The following FUCA2 variants were observed in gnomAD, a reference collection of about 807,000 sequenced individuals.
FUCA2 encodes plasma alpha-L-fucosidase.
Under a neutral mutation model 52.6 loss-of-function variants are expected in FUCA2, and 41 were observed. The observed-to-expected ratio is 0.78, with a 90% CI of 0.61 to 1.01. The LOEUF (loss-of-function observed/expected upper bound fraction) is 1.01. Ranked by LOEUF, FUCA2 falls within the 50% of genes least tolerant of loss-of-function variation. The pLI is 0.00. For missense variants in FUCA2, 507 were observed against 569.5 expected, an observed-to-expected ratio of 0.89 and a Z score of 1.12; for synonymous variants, 211 against 217.3, an observed-to-expected ratio of 0.97 and a Z score of 0.26.
intron 5 of FUCA2, among the ~76,000 whole-genome samples, chr6:143,498,185 A>G (rs1194845785): frequency 6.6e-6 from 1 of 151,720 alleles, no homozygotes; most frequent in Non-Finnish European, 1.5e-5. Flanking sequence ...AAAAAAGTGG[A>G]TTTCATTCAT....
rs949438458 is a variant in FUCA2, at chr6:143,497,124, T to A, written c.1263+265A>T. ...ACAGGTGCGTGCCACCATGCTCAGC[T>A]AACTTTAAAAAAAATTTTTGTAGAC... On this transcript the variant is annotated intron_variant, in intron 6 of 6. Coordinates refer to ENST00000002165, the MANE Select transcript of FUCA2 (RefSeq NM_032020.5). The surrounding 1 kb of genome is among the most constrained non-coding windows in gnomAD (Gnocchi z 5.3). 4 of 372,872 alleles carry A rather than the reference T, an allele frequency of 1.1e-5. No individual in the cohort carries two copies. Among genetic ancestry groups the A allele is most frequent in the African/African-American group, 8.4e-5 (4 of 47,606 alleles). The allele number at this position is 372,872 out of a possible 1,614,324, so 23.1% of individuals were successfully genotyped here.
At position 143,495,713 on chromosome 6, in the gene FUCA2, C is replaced by A. The variant is rs1434440933; in HGVS notation, c.1398G>T (p.Val466=). The A allele has an allele frequency of 6.2e-7, 1 of 1,613,464 alleles. No individual in the cohort carries two copies. The highest frequency in any genetic ancestry group is 8.5e-7 in the Non-Finnish European group (1 of 1,179,578). Residue 466 remains valine (V), a synonymous_variant, in exon 7 of 7, where the codon GTG becomes GTT. Transcript: ENST00000002165. This position sits in a 1 kb window ranked among gnomAD's most constrained non-coding sequence, Gnocchi z 5.2. ...TCAGCCACTCTGCTGCACTTTAGAT[C>A]ACATTAGTCAGGGCTAGAGCCCAGC... is the stretch of plus-strand genomic sequence containing the variant. The part of the protein sequence containing the change: ...KWGWALALTN[V]I
Position 143,510,665 on chromosome 6 carries a change from T to C in FUCA2, c.224+746A>G, listed in dbSNP as rs897259402. On this transcript the variant is annotated intron_variant, in intron 1 of 6. Coordinates refer to ENST00000002165, the MANE Select transcript of FUCA2 (RefSeq NM_032020.5). This position sits in a 1 kb window ranked among gnomAD's most constrained non-coding sequence, Gnocchi z 4.4. ...AAAAAAAAAAAAAAAGAATATATTA[T>C]GTGTATGTTTCTATATATGCACACA... Among the ~76,000 whole-genome samples, 5 of 151,864 alleles carry C rather than the reference T, an allele frequency of 3.3e-5. No homozygotes were observed. The highest frequency in any genetic ancestry group is 5.9e-5 in the Non-Finnish European group (4 of 67,978).
rs1292309360 is a variant in FUCA2 at position 143,511,090 on chromosome 6, G to A, written c.224+321C>T. 6.6e-6 allele frequency among the ~76,000 whole-genome samples: 1 copy of A among 152,192 alleles called. No individual in the cohort carries two copies. The highest frequency in any genetic ancestry group is 1.5e-5 in the Non-Finnish European group (1 of 68,038). On this transcript the variant is annotated intron_variant, in intron 1 of 6. Transcript: ENST00000002165. The surrounding 1 kb of genome is among the most constrained non-coding windows in gnomAD (Gnocchi z 6.3). ...GTGTGATGCCCCTGCACAAACTGATGAATGTCTGTAGTAGCTCGATGTTGT... is the reference window on the plus strand; with the variant it reads ...GTGTGATGCCCCTGCACAAACTGATAAATGTCTGTAGTAGCTCGATGTTGT...
chr6:143,495,394 A>G lies in FUCA2; in HGVS notation c.*313T>C, dbSNP rs1780443339. ...TATAATCATGGGGGATATGGCTTCA[A>G]CATAAAATTTTCAGTTCGGTCCATA... On this transcript the variant is annotated 3_prime_UTR_variant, in exon 7 of 7. Transcript: ENST00000002165. The surrounding 1 kb of genome is among the most constrained non-coding windows in gnomAD (Gnocchi z 5.2). The G allele has an allele frequency of 4.1e-6, 1 of 243,370 alleles. No individual in the cohort carries two copies. Among genetic ancestry groups the G allele is most frequent in the South Asian group, 1.5e-4 (1 of 6,776 alleles). 15.1% of individuals were successfully genotyped at this position (243,370 alleles called of 1,614,324 possible).
chr6:143,502,503 C>A lies in FUCA2; in HGVS notation c.815G>T (p.Gly272Val). ...RWGAGSICKH[G>V]GFYTCSDRYN... is the part of the protein sequence containing the mutation. ...ACGATCACTGCAGGTATAGAAGCCA[C>A]CATGCTTACAGATGCTACCAGCTCC... Residue 272 changes from glycine to valine, a missense_variant, in exon 4 of 7, where the codon GGT (glycine) becomes GTT (valine). Transcript: ENST00000002165. This position sits in a 1 kb window ranked among gnomAD's most constrained non-coding sequence, Gnocchi z 4.1. The A allele has an allele frequency of 6.2e-7, 1 of 1,614,080 alleles. No homozygotes were observed.
chr6:143,503,879 G>A lies in FUCA2; in HGVS notation c.752+34C>T, dbSNP rs1780563491. On this transcript the variant is annotated intron_variant, in intron 3 of 6. Transcript: ENST00000002165. The surrounding 1 kb of genome is among the most constrained non-coding windows in gnomAD (Gnocchi z 4.8). ...ATGTTAGAAATATATTAGGAATATGGAGGGTAACTGCAGCAATCTCATAGC... is the reference window on the plus strand; with the variant it reads ...ATGTTAGAAATATATTAGGAATATGAAGGGTAACTGCAGCAATCTCATAGC... 6.8e-7 allele frequency: 1 copy of A among 1,464,490 alleles called. No individual in the cohort carries two copies. The highest frequency in any genetic ancestry group is 9.4e-7 in the Non-Finnish European group (1 of 1,064,686). 90.7% of individuals were successfully genotyped at this position (1,464,490 alleles called of 1,614,324 possible). A position where few individuals can be genotyped will look rare whatever the true frequency, so the allele number is the denominator to read the frequency against.
intron 1 of FUCA2, among the ~76,000 whole-genome samples, chr6:143,508,481 C>A (rs917318749): frequency 6.6e-6 from 1 of 152,242 alleles, no homozygotes; most frequent in African/African-American, 2.4e-5. Flanking sequence ...AATTGAAGGG[C>A]ATACTATGCG....
Position 143,494,947 on chromosome 6 carries a change from T to TAA in FUCA2, c.*759_*760insTT, listed in dbSNP as rs1347712026. 5 of 130,596 alleles carry TAA rather than the reference T, an allele frequency of 3.8e-5. No homozygotes were observed. The highest frequency in any genetic ancestry group is 7.4e-5 in the Non-Finnish European group (4 of 53,986). The allele number at this position is 130,596 out of a possible 1,614,324, so 8.1% of individuals were successfully genotyped here. On this transcript the variant is annotated 3_prime_UTR_variant, in exon 7 of 7. Coordinates refer to ENST00000002165, the MANE Select transcript of FUCA2 (RefSeq NM_032020.5). This position sits in a 1 kb window ranked among gnomAD's most constrained non-coding sequence, Gnocchi z 6.6. ...TAATTGAAGAAAGAAAAACTTTTTT[T>TAA]TATAAATGTAGTGTAGCCTAAGCAT...
intron 5 of FUCA2, among the ~76,000 whole-genome samples, chr6:143,498,058 A>G (rs1451028788): frequency 2.0e-5 from 3 of 152,166 alleles, no homozygotes; most frequent in Admixed American, 6.5e-5. Context: ...TAACAAAAGG[A>G]TCTCTTTAGA....
chr6:143,504,291 C>G lies in FUCA2; in HGVS notation c.413-39G>C. 1 of 1,535,458 alleles carries G rather than the reference C, an allele frequency of 6.5e-7. No individual in the cohort carries two copies. The highest frequency in any genetic ancestry group is 8.8e-7 in the Non-Finnish European group (1 of 1,132,436). On this transcript the variant is annotated intron_variant, in intron 2 of 6. Coordinates refer to ENST00000002165, the MANE Select transcript of FUCA2 (RefSeq NM_032020.5). The surrounding 1 kb of genome is among the most constrained non-coding windows in gnomAD (Gnocchi z 4.4). ...GTGAAAACCCTTGTAAGCATGTCAA[C>G]TTTATTTTAGTAAATTTCAACCCAC...
At position 143,495,253 on chromosome 6, in the gene FUCA2, T is replaced by C. The variant is rs1171550952; in HGVS notation, c.*454A>G. ...GTCTATACCATACACATTAGGTGTG[T>C]AGTAGGCTATGCCATCTAGGATTTT... On this transcript the variant is annotated 3_prime_UTR_variant, in exon 7 of 7. Coordinates refer to ENST00000002165, the MANE Select transcript of FUCA2 (RefSeq NM_032020.5). This position sits in a 1 kb window ranked among gnomAD's most constrained non-coding sequence, Gnocchi z 5.2. The C allele has an allele frequency of 6.2e-6, 1 of 161,838 alleles. No individual in the cohort carries two copies. The highest frequency in any genetic ancestry group is 2.4e-5 in the African/African-American group (1 of 41,632). The allele number at this position is 161,838 out of a possible 1,614,324, so 10.0% of individuals were successfully genotyped here.
Position 143,503,786 on chromosome 6 carries a change from C to T in FUCA2, c.752+127G>A. On this transcript the variant is annotated intron_variant, in intron 3 of 6. Coordinates refer to ENST00000002165, the MANE Select transcript of FUCA2 (RefSeq NM_032020.5). This position sits in a 1 kb window ranked among gnomAD's most constrained non-coding sequence, Gnocchi z 4.8. The stretch of plus-strand genomic sequence containing the variant: ...TGATATATCTAATAAGTATTATTTA[C>T]AATGATTTTCTCCCCCCATACCACC... The T allele has an allele frequency of 1.5e-6, 1 of 681,480 alleles. No homozygotes were observed. 42.2% of individuals were successfully genotyped at this position (681,480 alleles called of 1,614,324 possible). A position where few individuals can be genotyped will look rare whatever the true frequency, so the allele number is the denominator to read the frequency against.
chr6:143,511,357 G>A lies in FUCA2; in HGVS notation c.224+54C>T. On this transcript the variant is annotated intron_variant, in intron 1 of 6. Coordinates refer to ENST00000002165, the MANE Select transcript of FUCA2 (RefSeq NM_032020.5). This position sits in a 1 kb window ranked among gnomAD's most constrained non-coding sequence, Gnocchi z 6.3. ...CCAGGCCCGCTGGGTGGTGGCTGGA[G>A]GCTGCGGGTGGGGACAAAAGCGCGG... 4 of 1,504,274 alleles carry A rather than the reference G, an allele frequency of 2.7e-6. No homozygotes were observed. The highest frequency in any genetic ancestry group is 3.6e-6 in the Non-Finnish European group (4 of 1,109,484). 93.2% of individuals were successfully genotyped at this position (1,504,274 alleles called of 1,614,324 possible). A position where few individuals can be genotyped will look rare whatever the true frequency, so the allele number is the denominator to read the frequency against.
chr6:143,510,074 A>C lies in FUCA2; in HGVS notation c.224+1337T>G, dbSNP rs986802886. On this transcript the variant is annotated intron_variant, in intron 1 of 6. Transcript: ENST00000002165. The surrounding 1 kb of genome is among the most constrained non-coding windows in gnomAD (Gnocchi z 4.4). ...TCAAAGACAAGAAGTAGAATACTGTACAGAACTTGCTAAAATTTATTATTT... is the reference window on the plus strand; with the variant it reads ...TCAAAGACAAGAAGTAGAATACTGTCCAGAACTTGCTAAAATTTATTATTT... Among the ~76,000 whole-genome samples, 2 of 152,202 alleles carry C rather than the reference A, an allele frequency of 1.3e-5. No homozygotes were observed. Among genetic ancestry groups the C allele is most frequent in the Non-Finnish European group, 1.5e-5 (1 of 68,034 alleles).
Position 143,501,309 on chromosome 6 carries a change from A to T in FUCA2, c.1154+623T>A, listed in dbSNP as rs1780523855. ...CTAATCTTTCGGTTCCTATTTGATCAGACAGTACTCAGGTGGCAACTGAAA... is the reference window on the plus strand; with the variant it reads ...CTAATCTTTCGGTTCCTATTTGATCTGACAGTACTCAGGTGGCAACTGAAA... On this transcript the variant is annotated intron_variant, in intron 5 of 6. Transcript: ENST00000002165. This position sits in a 1 kb window ranked among gnomAD's most constrained non-coding sequence, Gnocchi z 6.1. Among the ~76,000 whole-genome samples the T allele has an allele frequency of 2.6e-5, 4 of 152,338 alleles. 1 individual carries two copies. Among genetic ancestry groups the T allele is most frequent in the African/African-American group, 9.6e-5 (4 of 41,578 alleles).
chr6:143,504,405 T>C lies in FUCA2; in HGVS notation c.413-153A>G. 1.5e-6 allele frequency: 1 copy of C among 665,978 alleles called. No individual in the cohort carries two copies. Among genetic ancestry groups the C allele is most frequent in the Non-Finnish European group, 2.5e-6 (1 of 399,358 alleles). 41.3% of individuals were successfully genotyped at this position (665,978 alleles called of 1,614,324 possible). A position where few individuals can be genotyped will look rare whatever the true frequency, so the allele number is the denominator to read the frequency against. On this transcript the variant is annotated intron_variant, in intron 2 of 6. Coordinates refer to ENST00000002165, the MANE Select transcript of FUCA2 (RefSeq NM_032020.5). The surrounding 1 kb of genome is among the most constrained non-coding windows in gnomAD (Gnocchi z 4.4). ...GTTTTATGGCCATTTTTTCATAGCATATATTGTGCTTTTATATGAGAAGTG... is the reference window on the plus strand; with the variant it reads ...GTTTTATGGCCATTTTTTCATAGCACATATTGTGCTTTTATATGAGAAGTG...
Position 143,504,080 on chromosome 6 carries a change from T to G in FUCA2, c.585A>C (p.Glu195Asp). 1 of 1,614,184 alleles carries G rather than the reference T, an allele frequency of 6.2e-7. No individual in the cohort carries two copies. Among genetic ancestry groups the G allele is most frequent in the South Asian group, 1.1e-5 (1 of 91,082 alleles). The change falls in exon 3 of 7, where the codon GAA becomes GAC. Residue 195 changes from glutamate to aspartate, a missense_variant. Glu to Asp is a conservative substitution (Grantham distance 45). Coordinates refer to ENST00000002165, the MANE Select transcript of FUCA2 (RefSeq NM_032020.5). The surrounding 1 kb of genome is among the most constrained non-coding windows in gnomAD (Gnocchi z 4.4). ...ATTGCCGCTTATGGAATGAACTGGA[T>G]TCATCCTCAAGGAAGAGCGGATGAA... Reference protein sequence around the residue: ...EWFHPLFLEDESSSFHKRQFP... With the variant: ...EWFHPLFLEDDSSSFHKRQFP...
rs1780545423 is a variant in FUCA2 at position 143,502,595 on chromosome 6, A to G, written c.753-30T>C. The G allele has an allele frequency of 1.3e-6, 2 of 1,567,984 alleles. No homozygotes were observed. Among genetic ancestry groups the G allele is most frequent in the African/African-American group, 1.4e-5 (1 of 73,412 alleles). On this transcript the variant is annotated intron_variant, in intron 3 of 6. Coordinates refer to ENST00000002165, the MANE Select transcript of FUCA2 (RefSeq NM_032020.5). This position sits in a 1 kb window ranked among gnomAD's most constrained non-coding sequence, Gnocchi z 4.1. The stretch of plus-strand genomic sequence containing the variant: ...AATGAAACATACAATTTTTTAAAAC[A>G]AAAGGTATAAGCTTTTTATACAAAA...
Sources: allele counts gnomAD v4.1 joint callset (sites outside exome capture counted in the v4.1 genomes callset), GRCh38; gene constraint gnomAD v4.1.1; non-coding constraint Gnocchi (gnomAD v3.1); transcripts MANE v1.5; gene names NCBI Gene and HGNC (gene_info 2026-07-23, HGNC 2026-07-21).